STOX2: variants seen among roughly 807,000 people sequenced by gnomAD.
STOX2 encodes the protein storkhead box 2.
STOX2 carries 28 observed loss-of-function variants against 60.9 expected under a neutral mutation model. The ratio of observed to expected loss-of-function variants is 0.46; its 90% CI spans 0.34 to 0.63. The LOEUF (loss-of-function observed/expected upper bound fraction) is 0.63, where lower values mean the gene tolerates loss of function less well. STOX2 is among the 30% of genes least tolerant of loss of function. The pLI is 0.01. For synonymous variants in STOX2, 472 were observed against 463.9 expected, an observed-to-expected ratio of 1.02 and a Z score of -0.22; for missense variants, 1,024 against 1,187.7, an observed-to-expected ratio of 0.86 and a Z score of 2.03.
intron 1 of STOX2, among the ~76,000 whole-genome samples, chr4:183,808,608 A>G (rs1264424647): frequency 6.6e-6 from 1 of 152,240 alleles, no homozygotes; most frequent in Non-Finnish European, 1.5e-5. Context: ...CGTTTTAAAT[A>G]TAGGAAATGC....
intron 1 of STOX2, among the ~76,000 whole-genome samples, chr4:183,807,133 C>T (rs996673431): frequency 2.0e-5 from 3 of 152,052 alleles, no homozygotes; most frequent in East Asian, 1.9e-4. Context: ...CCACCACGCC[C>T]AGCTAATTTT....
At chr4:183,942,336 G>T (rs1385695499) in intron 1 of STOX2, among the ~76,000 whole-genome samples, 11 of 130,572 alleles carry the variant, frequency 8.4e-5, no homozygotes, top group South Asian at 2.5e-4. Context: ...AGGCTTCTAG[G>T]TTTTTTTTTT....
intron 1 of STOX2, among the ~76,000 whole-genome samples, chr4:183,926,770 C>T (rs998736919): frequency 6.6e-5 from 10 of 152,208 alleles, no homozygotes; most frequent in East Asian, 1.9e-4. Context: ...ACTTGGCACG[C>T]GCCACCATGC....
At chr4:183,811,816 G>T (rs1464934669) in intron 1 of STOX2, among the ~76,000 whole-genome samples, 4 of 152,064 alleles carry the variant, frequency 2.6e-5, no homozygotes, top group Non-Finnish European at 4.4e-5. Context: ...CTATGGAAGA[G>T]ATAAGGTTCA....
At position 183,821,663 on chromosome 4, in the gene STOX2, G is replaced by A. The variant is rs77822218; in HGVS notation, c.364+23608G>A. 6.4e-3 allele frequency among the ~76,000 whole-genome samples: 982 copies of A among 152,254 alleles called. 7 individuals carry two copies. Among genetic ancestry groups the A allele is most frequent in the African/African-American group, 0.023 (954 of 41,540 alleles). On this transcript the variant is annotated intron_variant, in intron 1 of 2. Coordinates refer to the STOX2 transcript ENST00000513034. The surrounding 1 kb of genome is among the most constrained non-coding windows in gnomAD (Gnocchi z 4.2). ...GAGGGTTGGCAGTGTGTCCTCTTCC[G>A]GAACTGCAGGGTGCTGTCCCCACTG... is the stretch of plus-strand genomic sequence containing the variant.
At chr4:183,845,476 C>T (rs1402274475) in intron 1 of STOX2, among the ~76,000 whole-genome samples, 2 of 152,126 alleles carry the variant, frequency 1.3e-5, no homozygotes, top group African/African-American at 4.8e-5. Context: ...GTCTTTGATG[C>T]CAGGCCATAA....
At chr4:183,827,963 T>C (rs1405550642) in intron 1 of STOX2, among the ~76,000 whole-genome samples, 1 of 151,962 alleles carries the variant, frequency 6.6e-6, no homozygotes, top group African/African-American at 2.4e-5. Context: ...AAAAATATCA[T>C]ATTATTGGTA....
chr4:183,835,718 G>A (rs1325888867), intron 1 of STOX2, among the ~76,000 whole-genome samples: 1 of 152,182 alleles, frequency 6.6e-6, no homozygotes, highest in Admixed American at 6.5e-5. Context: ...CTCCAGGGAT[G>A]CAGAGCTAGT....
Position 183,906,583 on chromosome 4 carries a change from G to C in STOX2, c.-208G>C, listed in dbSNP as rs1172199265. The C allele has an allele frequency of 3.6e-6, 2 of 557,890 alleles. No homozygotes were observed. The highest frequency in any genetic ancestry group is 3.9e-5 in the African/African-American group (2 of 51,216). 34.6% of individuals were successfully genotyped at this position (557,890 alleles called of 1,614,324 possible). Reference sequence around the variant, plus strand: ...TGAAGTGTAATGCATTGTGGGACGTGTGTAAAATCGGAGCCTTCGCCGTGG... The same window carrying C: ...TGAAGTGTAATGCATTGTGGGACGTCTGTAAAATCGGAGCCTTCGCCGTGG... On this transcript the variant is annotated 5_prime_UTR_variant, in exon 1 of 4. Transcript: ENST00000308497.
In STOX2 at chr4:183,906,939, G is replaced by A; in HGVS notation, c.149G>A (p.Arg50Gln). 6.5e-7 allele frequency: 1 copy of A among 1,547,240 alleles called. No individual in the cohort carries two copies. The highest frequency in any genetic ancestry group is 8.7e-7 in the Non-Finnish European group (1 of 1,144,210). Residue 50 changes from arginine to glutamine, a missense_variant, in exon 1 of 4, where the codon CGG becomes CAG. Coordinates refer to ENST00000308497, the MANE Select transcript of STOX2 (RefSeq NM_020225.3). ...GCGGCCTTCGCGCCCCAGGCTTCGC[G>A]GGGCTACATGACATCAGGTTGGTTG... ...FPAAFAPQAS[R>Q]GYMTSGDVSP... is the part of the protein sequence containing the mutation.
At chr4:183,851,081 A>G (rs370133603) in intron 1 of STOX2, among the ~76,000 whole-genome samples, 2,218 of 57,848 alleles carry the variant, frequency 0.038, no homozygotes, top group East Asian at 0.077. Flanking sequence ...AAAGGATGAG[A>G]GAAAGGATGA....
intron 2 of STOX2, among the ~76,000 whole-genome samples, chr4:184,005,160 A>G (rs1477270203): frequency 1.3e-5 from 2 of 152,238 alleles, no homozygotes; most frequent in Non-Finnish European, 2.9e-5. Context: ...GATTTGCAGG[A>G]CTAAAGCAAT....
intron 1 of STOX2, among the ~76,000 whole-genome samples, chr4:183,834,961 G>A (rs1342533155): frequency 6.6e-6 from 1 of 152,118 alleles, no homozygotes; most frequent in East Asian, 1.9e-4. Flanking sequence ...CCGATGTTGG[G>A]GCTGGGGTGG....
chr4:183,951,375 G>GAAGTCCATGT (rs1743084798), intron 1 of STOX2, among the ~76,000 whole-genome samples: 1 of 151,666 alleles, frequency 6.6e-6, no homozygotes, highest in African/African-American at 2.4e-5. Context: ...GAGAGGAAGG[G>GAAGTCCATGT]AAGTCCATGT....
intron 1 of STOX2, among the ~76,000 whole-genome samples, chr4:183,802,080 C>T (rs1342509894): frequency 6.6e-6 from 1 of 152,152 alleles, no homozygotes; most frequent in Non-Finnish European, 1.5e-5. Flanking sequence ...AGCCCTTAGC[C>T]TTTGTGTGGA....
In STOX2 at chr4:183,972,432, G is replaced by A. The variant is rs1292293299; in HGVS notation, c.167-28893G>A. ...AGAGCTATTGCATAAAATATTGTAT[G>A]AACTCCTGGACTCGCTTCTGAGCTG... On this transcript the variant is annotated intron_variant, in intron 1 of 3. Coordinates refer to ENST00000308497, the MANE Select transcript of STOX2 (RefSeq NM_020225.3). 3.3e-5 allele frequency among the ~76,000 whole-genome samples: 5 copies of A among 152,156 alleles called. No individual in the cohort carries two copies. The East Asian group carries it at 9.6e-4, about 29-fold the overall frequency.
intron 1 of STOX2, among the ~76,000 whole-genome samples, chr4:183,839,281 C>G (rs1266706669): frequency 1.3e-5 from 2 of 152,190 alleles, no homozygotes; most frequent in African/African-American, 4.8e-5. Context: ...GAAAGAGTCA[C>G]AGAGACATCT....
chr4:183,913,465 C>T (rs541201001), intron 1 of STOX2, among the ~76,000 whole-genome samples: 7 of 151,944 alleles, frequency 4.6e-5, no homozygotes, highest in South Asian at 4.2e-4. Context: ...AGCAGTAAGA[C>T]GACGGCCATA....
At chr4:183,928,789 G>C (rs1228082277) in intron 1 of STOX2, among the ~76,000 whole-genome samples, 4 of 151,758 alleles carry the variant, frequency 2.6e-5, no homozygotes, top group African/African-American at 9.7e-5. Flanking sequence ...CCTGGCGACA[G>C]AGCGAGACTC....
Sources: allele counts gnomAD v4.1 joint callset (sites outside exome capture counted in the v4.1 genomes callset), GRCh38; gene constraint gnomAD v4.1.1; non-coding constraint Gnocchi (gnomAD v3.1); transcripts MANE v1.5; gene names NCBI Gene and HGNC (gene_info 2026-07-23, HGNC 2026-07-21).